The following UNC80 variants were observed in gnomAD, a reference collection of about 807,000 sequenced individuals.
UNC80 encodes the protein unc-80 subunit of NALCN channel complex, also known as protein unc-80 homolog.
In UNC80, 164 loss-of-function variants were observed where a neutral mutation model predicts 384.6. The ratio of observed to expected loss-of-function variants is 0.43; its 90% confidence interval spans 0.38 to 0.49. The LOEUF is 0.49. UNC80 is among the 20% of genes least tolerant of loss of function. The probability of loss-of-function intolerance (pLI) is 0.00; values close to 1 mark genes in which losing one functional copy is unlikely to be tolerated. For synonymous variants in UNC80, 1,486 were observed against 1,527.8 expected, an observed-to-expected ratio of 0.97 and a Z score of 0.64; for missense variants, 3,330 against 4,143.0, an observed-to-expected ratio of 0.80 and a Z score of 5.39.
chr2:209,848,396 A>G (rs2082302603), intron 21 of UNC80, among the ~76,000 whole-genome samples: 1 of 152,194 alleles, frequency 6.6e-6, no homozygotes, highest in African/African-American at 2.4e-5. Flanking sequence ...ACCATAAAGA[A>G]TGAAATATAG....
chr2:209,782,646 G>T (rs1169584940), intron 4 of UNC80, among the ~76,000 whole-genome samples: 1 of 151,936 alleles, frequency 6.6e-6, no homozygotes, highest in Non-Finnish European at 1.5e-5. Flanking sequence ...GAATAAATTA[G>T]TTCACTAATT....
chr2:209,995,240 C>A, intron 64 of UNC80, 89 bp from the exon 65 acceptor site: 1 of 1,478,966 alleles, frequency 6.8e-7, no homozygotes, highest in South Asian at 1.4e-5. Flanking sequence ...GATTCCTTTT[C>A]CAATTACCAC....
Position 209,978,560 on chromosome 2 carries a change from G to T in UNC80, c.8970G>T (p.Val2990=). Reference sequence around the variant, plus strand: ...AAGGCAAGACATCCATCAGTACCGTGGGCACCTCCACCTCTGCTTACCGCC... The same window carrying T: ...AAGGCAAGACATCCATCAGTACCGTTGGCACCTCCACCTCTGCTTACCGCC... ...AYQGKTSIST[V]GTSTSAYRLS... is the part of the protein sequence containing the mutation. Residue 2990 remains valine, a synonymous_variant, in exon 59 of 65, where the codon GTG becomes GTT. Transcript: ENST00000673920. 6.4e-7 allele frequency: 1 copy of T among 1,550,672 alleles called. No homozygotes were observed. Among genetic ancestry groups the T allele is most frequent in the Non-Finnish European group, 8.7e-7 (1 of 1,146,290 alleles).
At chr2:209,978,042 A>G (rs2093056749) in intron 58 of UNC80, among the ~76,000 whole-genome samples, 1 of 152,210 alleles carries the variant, frequency 6.6e-6, no homozygotes, top group Non-Finnish European at 1.5e-5. Flanking sequence ...CTGACATAGA[A>G]CTGAGGGATA....
intron 27 of UNC80, 38 bp downstream of exon 27, chr2:209,894,404 G>A (rs1040832751): frequency 4.1e-6 from 4 of 974,944 alleles, no homozygotes; most frequent in Admixed American, 6.2e-5. Context: ...GACGTGGGGG[G>A]TAGGAAGACA....
At chr2:209,853,268 T>C (rs929351420) in intron 22 of UNC80, among the ~76,000 whole-genome samples, 2 of 152,150 alleles carry the variant, frequency 1.3e-5, no homozygotes, top group Non-Finnish European at 2.9e-5. Flanking sequence ...CATTTTGACA[T>C]AATTTTATAT....
chr2:209,842,521 C>A, intron 21 of UNC80, 75 bp downstream of exon 21: 2 of 1,030,566 alleles, frequency 1.9e-6, no homozygotes, highest in Non-Finnish European at 1.4e-6. Flanking sequence ...ATTAAGTGGT[C>A]CATTTTCTAT....
Position 209,771,993 on chromosome 2 carries a change from A to T in UNC80, c.-80A>T. On this transcript the variant is annotated 5_prime_UTR_variant, in exon 1 of 65. Transcript: ENST00000673920. ...GGGGAAGGAGGGGATGAGAGTTGGG[A>T]GCAGCGGGAGGAGGCGGCGGCGGCG... 1 of 1,029,964 alleles carries T rather than the reference A, an allele frequency of 9.7e-7. No homozygotes were observed. The highest frequency in any genetic ancestry group is 1.5e-6 in the Non-Finnish European group (1 of 678,016). The allele number at this position is 1,029,964 out of a possible 1,614,324, so 63.8% of individuals were successfully genotyped here. A position where few individuals can be genotyped will look rare whatever the true frequency, so the allele number is the denominator to read the frequency against.
At position 209,997,843 on chromosome 2, in the gene UNC80, G is replaced by A. The variant is rs1263532515; in HGVS notation, c.*2248G>A. 1 of 152,128 alleles carries A rather than the reference G, an allele frequency of 6.6e-6. No individual in the cohort carries two copies. The highest frequency in any genetic ancestry group is 1.9e-4 in the East Asian group (1 of 5,174). 9.4% of individuals were successfully genotyped at this position (152,128 alleles called of 1,614,324 possible). On this transcript the variant is annotated 3_prime_UTR_variant, in exon 65 of 65. Transcript: ENST00000673920. ...TTAAATGTGTTGAATGTAATGTGTT[G>A]AATGTTTATGTGTAATGGCTAAAGT... is the stretch of plus-strand genomic sequence containing the variant.
At chr2:209,809,531 C>A in intron 7 of UNC80, 1 of 1,027,560 alleles carries the variant, frequency 9.7e-7, no homozygotes, top group African/African-American at 1.6e-5. Context: ...TCCCGAATGG[C>A]CCTGCTCCAC....
chr2:209,936,777 A>T, intron 40 of UNC80, 67 bp from the exon 41 acceptor site: 2 of 1,109,432 alleles, frequency 1.8e-6, no homozygotes, highest in Non-Finnish European at 2.6e-6. Context: ...TGTATCTGTC[A>T]CCTTACTACC....
chr2:209,791,819 CAAAAAAAAAAAAAAAAA>C (rs71043949), intron 6 of UNC80, among the ~76,000 whole-genome samples: 4 of 52,144 alleles, frequency 7.7e-5, no homozygotes, highest in Non-Finnish European at 9.6e-5. Context: ...GACTCCGTCT[CAAAAAAAAAAAAAAAAA>C]AAAAAAAAAA....
intron 43 of UNC80, 22 bp from the exon 44 acceptor site, chr2:209,941,199 C>T: frequency 2.0e-6 from 3 of 1,486,628 alleles, no homozygotes; most frequent in Non-Finnish European, 2.7e-6. Context: ...AATTCTGTCT[C>T]TGCTGTTTCA....
At chr2:209,944,122 A>C (rs2091791419) in intron 45 of UNC80, among the ~76,000 whole-genome samples, 1 of 152,170 alleles carries the variant, frequency 6.6e-6, no homozygotes, top group African/African-American at 2.4e-5. Context: ...TATTTCTTTC[A>C]ACAAGCATAT....
chr2:209,803,282 C>G (rs990656888), intron 7 of UNC80, among the ~76,000 whole-genome samples: 47 of 152,182 alleles, frequency 3.1e-4, no homozygotes, highest in Non-Finnish European at 3.4e-4. Context: ...CTACACAGTT[C>G]TTTTGAAGAT....
chr2:209,994,965 A>C (rs1408005181), intron 64 of UNC80, among the ~76,000 whole-genome samples: 1 of 152,092 alleles, frequency 6.6e-6, no homozygotes, highest in Non-Finnish European at 1.5e-5. Context: ...TTTATAAATG[A>C]ATTCTTAGAG....
At chr2:209,888,046 C>T (rs1473471669) in intron 25 of UNC80, 49 bp from the exon 26 acceptor site, 2 of 1,530,834 alleles carry the variant, frequency 1.3e-6, no homozygotes, top group South Asian at 2.4e-5. Flanking sequence ...GAGACCAATG[C>T]AGTGCTGGGG....
chr2:209,952,133 T>A (rs181342090), intron 47 of UNC80, among the ~76,000 whole-genome samples: 1 of 152,360 alleles, frequency 6.6e-6, no homozygotes, highest in Admixed American at 6.5e-5. Context: ...AAAGTCTGTG[T>A]CTGATAACTT....
chr2:209,876,140 A>T (rs2084761875), intron 23 of UNC80, among the ~76,000 whole-genome samples: 1 of 152,108 alleles, frequency 6.6e-6, no homozygotes, highest in African/African-American at 2.4e-5. Context: ...CCCTCAATAG[A>T]CTGTAAGCTC....
Sources: allele counts gnomAD v4.1 joint callset (sites outside exome capture counted in the v4.1 genomes callset), GRCh38; gene constraint gnomAD v4.1.1; transcripts MANE v1.5; gene names NCBI Gene and HGNC (gene_info 2026-07-23, HGNC 2026-07-21).